The following TAF3 variants were observed in gnomAD, a reference collection of about 807,000 sequenced individuals.
TAF3 encodes the protein transcription initiation factor TFIID subunit 3.
TAF3 carries 7 observed loss-of-function variants against 80.6 expected under a neutral mutation model. The ratio of observed to expected loss-of-function variants is 0.09; its 90% CI spans 0.05 to 0.16. The LOEUF (loss-of-function observed/expected upper bound fraction) is 0.16, where lower values mean the gene tolerates loss of function less well. TAF3 is among the 10% of genes least tolerant of loss of function. TAF3 has a pLI of 1.00. For synonymous variants in TAF3, 444 were observed against 446.1 expected (o/e 1.00, Z 0.06); for missense variants, 921 against 1,140.2 (o/e 0.81, Z 2.77).
At chr10:8,000,750 G>A (rs1831936185) in intron 4 of TAF3, among the ~76,000 whole-genome samples, 1 of 152,186 alleles carries the variant, frequency 6.6e-6, no homozygotes, top group Non-Finnish European at 1.5e-5. Flanking sequence ...GCACACTTTA[G>A]CCTGGGCAGC....
In TAF3 at chr10:7,958,880, A is replaced by G. The variant is rs557034200; in HGVS notation, c.410-5040A>G. 2.6e-5 allele frequency among the ~76,000 whole-genome samples: 4 copies of G among 152,328 alleles called. No individual in the cohort carries two copies. In the East Asian group the frequency reaches 7.7e-4, roughly 29 times the overall value. ...CCGGGCACGGTGGCTCACGCCTGTA[A>G]TCCCAGCACTTTGGGAGGCTGAGGT... On this transcript the variant is annotated intron_variant, in intron 2 of 6. Transcript: ENST00000344293.
intron 4 of TAF3, among the ~76,000 whole-genome samples, chr10:8,007,680 C>T (rs11813449): frequency 0.028 from 4,048 of 147,148 alleles, 210 homozygotes; most frequent in African/African-American, 0.097. Flanking sequence ...CAAAAGCTGC[C>T]ACCCGTTTAC....
chr10:7,890,506 C>T (rs892285974), intron 2 of TAF3, among the ~76,000 whole-genome samples: 23 of 152,166 alleles, frequency 1.5e-4, no homozygotes, highest in Admixed American at 4.6e-4. Flanking sequence ...ATTCATATTA[C>T]GAAAACTTTA....
intron 2 of TAF3, among the ~76,000 whole-genome samples, chr10:7,896,747 T>C (rs907230517): frequency 1.1e-4 from 17 of 152,210 alleles, no homozygotes; most frequent in African/African-American, 4.1e-4. Context: ...ACCACAAATT[T>C]AGCAGCTTAA....
intron 2 of TAF3, among the ~76,000 whole-genome samples, chr10:7,841,967 G>A (rs570803955): frequency 6.6e-6 from 1 of 152,138 alleles, no homozygotes; most frequent in Non-Finnish European, 1.5e-5. Flanking sequence ...TATGTTAAGG[G>A]CAGCAGGTAC....
intron 2 of TAF3, among the ~76,000 whole-genome samples, chr10:7,902,613 G>A (rs1441889766): frequency 3.3e-5 from 5 of 152,216 alleles, no homozygotes; most frequent in South Asian, 2.1e-4. Context: ...GGCTCTCTGG[G>A]TGCTGGGGGA....
chr10:7,944,128 TG>T (rs1319844132), intron 2 of TAF3, among the ~76,000 whole-genome samples: 6 of 151,248 alleles, frequency 4.0e-5, no homozygotes, highest in Admixed American at 2.0e-4. Context: ...TGTGTGTGTG[TG>T]TGTGTGTTGT....
chr10:7,825,969 G>C (rs11255383), intron 2 of TAF3, among the ~76,000 whole-genome samples: 25,805 of 152,022 alleles, frequency 0.17, 2,613 homozygotes, highest in East Asian at 0.51. Context: ...TATCAGCAGT[G>C]CCCAAGGGTT....
chr10:7,848,009 A>G lies in TAF3; in HGVS notation c.409+23449A>G, dbSNP rs12264202. On this transcript the variant is annotated intron_variant, in intron 2 of 6. Transcript: ENST00000344293. ...GATCGCAAACTCCTGACCTCAGGTG[A>G]TCCACCCATCTTGGCTTCCCAAAGT... is the stretch of plus-strand genomic sequence containing the variant. 1.9e-3 allele frequency among the ~76,000 whole-genome samples: 291 copies of G among 152,232 alleles called. 1 individual carries two copies. The highest frequency in any genetic ancestry group is 6.5e-3 in the African/African-American group (271 of 41,532).
intron 2 of TAF3, among the ~76,000 whole-genome samples, chr10:7,896,740 A>G (rs1020278566): frequency 2.6e-5 from 4 of 152,186 alleles, no homozygotes; most frequent in Admixed American, 1.3e-4. Flanking sequence ...ACAAATTACC[A>G]CAAATTTAGC....
In TAF3 at chr10:7,964,018, A is replaced by G. The variant is rs1382799343; in HGVS notation, c.508A>G (p.Ile170Val). 6.2e-7 allele frequency: 1 copy of G among 1,614,186 alleles called. No homozygotes were observed. Among genetic ancestry groups the G allele is most frequent in the South Asian group, 1.1e-5 (1 of 91,076 alleles). Residue 170 changes from isoleucine (I) to valine (V), a missense_variant, in exon 3 of 7, where the codon ATT (isoleucine) becomes GTT (valine). Around this residue, in one of 6 missense-constraint regions of TAF3, gnomAD observed 743 missense variants for 821.0 expected, o/e 0.90. Coordinates refer to ENST00000344293, the MANE Select transcript of TAF3 (RefSeq NM_031923.4). This position sits in a 1 kb window ranked among gnomAD's most constrained non-coding sequence, Gnocchi z 4.1. ...TGATGAATTGGAGGAGGAAGAAATT[A>G]TTAATGATGAGAATTTCCTGGGCAA... is the stretch of plus-strand genomic sequence containing the variant. ...EDDELEEEEI[I>V]NDENFLGKRP...
At chr10:7,820,206 C>G (rs527925255) in intron 1 of TAF3, among the ~76,000 whole-genome samples, 4 of 152,174 alleles carry the variant, frequency 2.6e-5, no homozygotes, top group Non-Finnish European at 5.9e-5. Flanking sequence ...ATCACTTGCT[C>G]TAGGGAACTC....
chr10:8,004,691 A>G (rs114389179), intron 4 of TAF3, among the ~76,000 whole-genome samples: 2,345 of 152,214 alleles, frequency 0.015, 64 homozygotes, highest in African/African-American at 0.053. Flanking sequence ...TTTTCCCTCT[A>G]GCTGCCTTTC....
intron 2 of TAF3, among the ~76,000 whole-genome samples, chr10:7,855,664 C>T (rs1347414385): frequency 6.6e-6 from 1 of 152,168 alleles, no homozygotes; most frequent in Non-Finnish European, 1.5e-5. Context: ...AGCTCCCAGA[C>T]AGCTTTTTTA....
chr10:7,999,870 A>C (rs549588263), intron 4 of TAF3, among the ~76,000 whole-genome samples: 1 of 152,252 alleles, frequency 6.6e-6, no homozygotes, highest in Non-Finnish European at 1.5e-5. Flanking sequence ...ACTTAGACGC[A>C]CTCGATTGTG....
At chr10:7,979,096 G>C (rs945237052) in intron 4 of TAF3, among the ~76,000 whole-genome samples, 1 of 151,980 alleles carries the variant, frequency 6.6e-6, no homozygotes, top group African/African-American at 2.4e-5. Flanking sequence ...TGTAATCCCA[G>C]CACTTTGGGA....
chr10:7,885,193 C>T (rs1222712746), intron 2 of TAF3, among the ~76,000 whole-genome samples: 1 of 151,620 alleles, frequency 6.6e-6, no homozygotes, highest in Non-Finnish European at 1.5e-5. Context: ...AATCAAGCCA[C>T]TGAATTGCAT....
chr10:7,931,788 GT>G (rs1837871611), intron 2 of TAF3, among the ~76,000 whole-genome samples: 1 of 152,186 alleles, frequency 6.6e-6, no homozygotes, highest in Non-Finnish European at 1.5e-5. Flanking sequence ...TTTCTGGGCA[GT>G]TAACTATATG....
chr10:7,877,785 GT>G (rs1245005519), intron 2 of TAF3, among the ~76,000 whole-genome samples: 3 of 152,204 alleles, frequency 2.0e-5, no homozygotes, highest in Middle Eastern at 3.4e-3. Flanking sequence ...ATAGAGTGAG[GT>G]TTCTTGGTTC....
Sources: allele counts gnomAD v4.1 joint callset (sites outside exome capture counted in the v4.1 genomes callset), GRCh38; gene constraint gnomAD v4.1.1; regional missense constraint gnomAD v4.1.1; non-coding constraint Gnocchi (gnomAD v3.1); transcripts MANE v1.5; gene names NCBI Gene and HGNC (gene_info 2026-07-23, HGNC 2026-07-21).